Variants in SRP72 observed in about 807,000 individuals in gnomAD.
The protein encoded by SRP72 is signal recognition particle 72, also known as signal recognition particle subunit SRP72.
SRP72 carries 49 observed loss-of-function variants against 96.3 expected under a neutral mutation model. That is an observed-to-expected ratio of 0.51 (90% CI 0.40 to 0.65). SRP72 has a LOEUF of 0.65. SRP72 is among the 30% of genes least tolerant of loss of function. The pLI, the probability that SRP72 is intolerant of heterozygous loss-of-function variation, is 0.00. For synonymous variants in SRP72, 267 were observed against 275.2 expected (o/e 0.97, Z 0.30); for missense variants, 736 against 793.3 (o/e 0.93, Z 0.87).
chr4:56,482,759 T>C (rs1017459455), intron 8 of SRP72, among the ~76,000 whole-genome samples: 2 of 152,226 alleles, frequency 1.3e-5, no homozygotes, highest in Admixed American at 1.3e-4. Context: ...CTGTCCCTTT[T>C]TTTCCTTCAA....
chr4:56,480,017 T>G (rs898109885), intron 8 of SRP72, among the ~76,000 whole-genome samples: 3 of 152,166 alleles, frequency 2.0e-5, no homozygotes, highest in Non-Finnish European at 4.4e-5. Context: ...GAGGAAAAAC[T>G]TGGATTCAGA....
rs546100894 is a variant in SRP72 at position 56,495,286 on chromosome 4, T to C, written c.1641-71T>C. On this transcript the variant is annotated intron_variant, in intron 16 of 18. Coordinates refer to ENST00000642900, the MANE Select transcript of SRP72 (RefSeq NM_006947.4). ...ATGATAAGTGCCCAACTAACTCTTATAGAGCACTTACTTAATGCTCTATAA... is the reference window on the plus strand; with the variant it reads ...ATGATAAGTGCCCAACTAACTCTTACAGAGCACTTACTTAATGCTCTATAA... 25 of 1,071,710 alleles carry C rather than the reference T, an allele frequency of 2.3e-5. No individual in the cohort carries two copies. In the African/African-American group the frequency reaches 2.4e-4, roughly 10 times the overall value. 66.4% of individuals were successfully genotyped at this position (1,071,710 alleles called of 1,614,324 possible). A position where few individuals can be genotyped will look rare whatever the true frequency, so the allele number is the denominator to read the frequency against.
chr4:56,500,568 AC>A lies in SRP72; in HGVS notation c.1715del (p.Pro572GlnfsTer48), dbSNP rs761414276. The A allele has an allele frequency of 6.2e-7, 1 of 1,613,734 alleles. No homozygotes were observed. The highest frequency in any genetic ancestry group is 1.3e-5 in the African/African-American group (1 of 74,906). ...GCCTAAGAATTATGACCCAAAAGTT[AC>A]CCCAGATCCAGAAAGATGGCTGCCA... ...KLPKNYDPKV[T>X]PDPERWLPMR... On this transcript the variant is annotated frameshift_variant, in exon 18 of 19. Transcript: ENST00000642900. LOFTEE classifies it high-confidence loss of function.
chr4:56,492,941 C>T (rs1250909828), intron 16 of SRP72, among the ~76,000 whole-genome samples: 1 of 152,172 alleles, frequency 6.6e-6, no homozygotes, highest in African/African-American at 2.4e-5. Context: ...GCAGTGATTG[C>T]ATCACTGCAC....
chr4:56,488,561 T>A (rs1720799075), intron 12 of SRP72, among the ~76,000 whole-genome samples: 1 of 152,150 alleles, frequency 6.6e-6, no homozygotes, highest in African/African-American at 2.4e-5. Flanking sequence ...CCCTTAAAGA[T>A]TCATATTTTA....
At chr4:56,496,980 C>A (rs1223042847) in intron 17 of SRP72, among the ~76,000 whole-genome samples, 1 of 151,814 alleles carries the variant, frequency 6.6e-6, no homozygotes, top group Non-Finnish European at 1.5e-5. Flanking sequence ...AGAGTGAGAC[C>A]CTCTCCCTGC....
chr4:56,502,509 A>T lies in SRP72; in HGVS notation c.*648A>T, dbSNP rs1721302598. 1.4e-5 allele frequency: 2 copies of T among 141,774 alleles called. No homozygotes were observed. The highest frequency in any genetic ancestry group is 4.4e-4 in the South Asian group (2 of 4,592). 8.8% of individuals were successfully genotyped at this position (141,774 alleles called of 1,614,324 possible). On this transcript the variant is annotated 3_prime_UTR_variant, in exon 19 of 19. Transcript: ENST00000642900. ...TATATATATATACATATATATATAT[A>T]TATAAACATGAAATATATATATATG... is the stretch of plus-strand genomic sequence containing the variant.
chr4:56,501,654 G>C, intron 18 of SRP72, 30 bp from the exon 19 acceptor site: 1 of 1,604,812 alleles, frequency 6.2e-7, no homozygotes. Flanking sequence ...TTGAATATAT[G>C]AGTGACCAAA....
At chr4:56,487,061 C>T (rs1187186569) in intron 11 of SRP72, among the ~76,000 whole-genome samples, 1 of 152,124 alleles carries the variant, frequency 6.6e-6, no homozygotes, top group African/African-American at 2.4e-5. Flanking sequence ...CTATATGCAG[C>T]CATTGGCTAC....
intron 5 of SRP72, 181 bp from the exon 6 acceptor site, chr4:56,476,490 A>G (rs1720227989): frequency 1.7e-6 from 1 of 599,880 alleles, no homozygotes; most frequent in Non-Finnish European, 2.8e-6. Context: ...AGAGCTGGGA[A>G]AGTCAAGAGA....
intron 17 of SRP72, 130 bp downstream of exon 17, chr4:56,495,524 A>C (rs946183048): frequency 5.9e-6 from 3 of 506,172 alleles, no homozygotes; most frequent in Non-Finnish European, 7.0e-6. Flanking sequence ...TCTTGACTAT[A>C]GCTAACATTT....
chr4:56,468,138 T>C (rs1719821680), intron 1 of SRP72, among the ~76,000 whole-genome samples: 1 of 152,206 alleles, frequency 6.6e-6, no homozygotes, highest in Non-Finnish European at 1.5e-5. Context: ...ATCAGGACTC[T>C]ATTGCTGAGG....
In SRP72 at chr4:56,503,671, G is replaced by A. The variant is rs1160156321; in HGVS notation, c.*1810G>A. ...CATTTTAAAATAAAATATTTTAGCA[G>A]TGAATATGGATTAAGGTGTTTTGGG... On this transcript the variant is annotated 3_prime_UTR_variant, in exon 19 of 19. Coordinates refer to ENST00000642900, the MANE Select transcript of SRP72 (RefSeq NM_006947.4). 1 of 152,312 alleles carries A rather than the reference G, an allele frequency of 6.6e-6. No homozygotes were observed. Among genetic ancestry groups the A allele is most frequent in the East Asian group, 1.9e-4 (1 of 5,186 alleles). The allele number at this position is 152,312 out of a possible 1,614,324, so 9.4% of individuals were successfully genotyped here. A position where few individuals can be genotyped will look rare whatever the true frequency, so the allele number is the denominator to read the frequency against.
intron 12 of SRP72, chr4:56,489,122 G>A (rs1720820002): frequency 3.1e-6 from 1 of 321,176 alleles, no homozygotes; most frequent in East Asian, 5.0e-5. Flanking sequence ...CTCAACTTCT[G>A]TACTTACCAA....
chr4:56,502,619 G>T lies in SRP72; in HGVS notation c.*758G>T, dbSNP rs930554865. The T allele has an allele frequency of 6.6e-6, 1 of 151,576 alleles. No individual in the cohort carries two copies. The highest frequency in any genetic ancestry group is 1.5e-5 in the Non-Finnish European group (1 of 67,908). 9.4% of individuals were successfully genotyped at this position (151,576 alleles called of 1,614,324 possible). ...AAGAACTCAAGGAAAATATATCAAT[G>T]TAAGAAGTTCACTCTTAGACCCAGT... On this transcript the variant is annotated 3_prime_UTR_variant, in exon 19 of 19. Transcript: ENST00000642900.
chr4:56,491,367 T>A (rs1720898645), intron 15 of SRP72, 64 bp from the exon 16 acceptor site: 2 of 1,553,374 alleles, frequency 1.3e-6, no homozygotes, highest in East Asian at 4.5e-5. Flanking sequence ...TTGGCAAACA[T>A]ATATATCTAT....
intron 3 of SRP72, among the ~76,000 whole-genome samples, chr4:56,472,408 C>G (rs1004921897): frequency 1.0e-4 from 15 of 146,122 alleles, no homozygotes; most frequent in Non-Finnish European, 2.2e-4. Context: ...TGCAGTGGCA[C>G]TATCTCGGCT....
rs150978680 is a variant in SRP72, at chr4:56,473,105, T to G, written c.355-949T>G. Among the ~76,000 whole-genome samples, 8 of 152,316 alleles carry G rather than the reference T, an allele frequency of 5.3e-5. No individual in the cohort carries two copies. In the East Asian group the frequency reaches 1.5e-3, roughly 29 times the overall value. ...TGGAAAAATATTTTCATTGTAATTTTAGATCTAGGTAACAGGGTTACCTAG... is the reference window on the plus strand; with the variant it reads ...TGGAAAAATATTTTCATTGTAATTTGAGATCTAGGTAACAGGGTTACCTAG... On this transcript the variant is annotated intron_variant, in intron 3 of 18. Transcript: ENST00000642900.
At chr4:56,492,599 ATGAC>A (rs1345032955) in intron 16 of SRP72, among the ~76,000 whole-genome samples, 1 of 152,134 alleles carries the variant, frequency 6.6e-6, no homozygotes, top group Non-Finnish European at 1.5e-5. Context: ...CTCAGCAACA[ATGAC>A]TGATTTCTTT....
Sources: gnomAD v4.1 joint callset for allele counts (sites outside exome capture counted in the v4.1 genomes callset) on GRCh38, gnomAD v4.1.1 for gene constraint, MANE v1.5 for transcripts, NCBI Gene and HGNC (gene_info 2026-07-23, HGNC 2026-07-21) for gene names.